FABP6: variants seen among roughly 807,000 people sequenced by gnomAD.
The protein encoded by FABP6 is fatty acid binding protein 6, also known as gastrotropin.
In FABP6, 13 loss-of-function variants were observed where a neutral mutation model predicts 14.9. The ratio of observed to expected loss-of-function variants is 0.87; its 90% CI spans 0.57 to 1.39. The LOEUF (loss-of-function observed/expected upper bound fraction) is 1.39, where lower values mean the gene tolerates loss of function less well. FABP6 is among the 40% of genes most tolerant of loss of function. The probability of loss-of-function intolerance (pLI) is 0.00; values close to 1 mark genes in which losing one functional copy is unlikely to be tolerated. For synonymous variants in FABP6, 75 were observed against 63.6 expected, an observed-to-expected ratio of 1.18 and a Z score of -0.85; for missense variants, 161 against 167.2, an observed-to-expected ratio of 0.96 and a Z score of 0.20.
intron 2 of FABP6, among the ~76,000 whole-genome samples, chr5:160,234,361 C>G (rs1580925392): frequency 1.4e-5 from 2 of 142,852 alleles, no homozygotes; most frequent in South Asian, 4.7e-4. Context: ...TATTTTCATA[C>G]TTTCTCTAAG....
chr5:160,194,017 G>C (rs1372786734), intron 1 of FABP6, among the ~76,000 whole-genome samples: 2 of 152,240 alleles, frequency 1.3e-5, no homozygotes, highest in African/African-American at 4.8e-5. Flanking sequence ...TGCATGGCTG[G>C]CTGCAGGTCC....
rs144492335 is a variant in FABP6 at position 160,232,125 on chromosome 5, C to T, written c.95C>T (p.Ala32Val). Residue 32 changes from alanine to valine, a missense_variant, in exon 2 of 4, where the codon GCC becomes GTC. Physicochemically the swap from Ala to Val is moderately conservative, Grantham distance 64 (BLOSUM62 0). Transcript: ENST00000402432. Reference sequence around the variant, plus strand: ...ATCTCCAGCGATGTAATCGAAAAGGCCCGCAACTTCAAGATCGTCACGGAG... The same window carrying T: ...ATCTCCAGCGATGTAATCGAAAAGGTCCGCAACTTCAAGATCGTCACGGAG... ...LGISSDVIEK[A>V]RNFKIVTEVQ... 161 of 1,613,910 alleles carry T rather than the reference C, an allele frequency of 1.0e-4. 2 individuals carry two copies. The African/African-American group carries it at 1.7e-3, about 17-fold the overall frequency.
At chr5:160,192,145 T>C (rs1334108467) in intron 1 of FABP6, among the ~76,000 whole-genome samples, 1 of 152,072 alleles carries the variant, frequency 6.6e-6, no homozygotes, top group Non-Finnish European at 1.5e-5. Flanking sequence ...GGCCCCAATG[T>C]CACCTACCCA....
intron 1 of FABP6, among the ~76,000 whole-genome samples, chr5:160,187,742 A>ATTATTTATTTAT (rs147766560): frequency 0.012 from 1,744 of 150,674 alleles, 17 homozygotes; most frequent in East Asian, 0.026. Context: ...AATATTTGCT[A>ATTATTTATTTAT]TTATTTATTT....
chr5:160,211,513 A>C lies in FABP6; in HGVS notation c.52-2223A>C, dbSNP rs186050804. Among the ~76,000 whole-genome samples the C allele has an allele frequency of 2.7e-3, 413 of 152,260 alleles. 13 individuals carry two copies. The highest frequency in any genetic ancestry group is 0.026 in the Admixed American group (392 of 15,288). On this transcript the variant is annotated intron_variant, in intron 2 of 6. Coordinates refer to the FABP6 transcript ENST00000393980. ...TGTCAACGAGGACACCCCAGTACAG[A>C]GGTTAAGTGACTTGTCCAAGTGACA...
At chr5:160,196,532 G>C (rs1009900416) in intron 1 of FABP6, 2 of 152,234 alleles carry the variant, frequency 1.3e-5, no homozygotes, top group Non-Finnish European at 2.9e-5. Context: ...AAGTTGCAAG[G>C]GTGGGGAGTG....
At chr5:160,220,302 A>T (rs907903134) in intron 3 of FABP6, among the ~76,000 whole-genome samples, 1 of 152,058 alleles carries the variant, frequency 6.6e-6, no homozygotes, top group Non-Finnish European at 1.5e-5. Flanking sequence ...GAAGATCGGT[A>T]TTTTTTTCCC....
intron 2 of FABP6, among the ~76,000 whole-genome samples, chr5:160,233,858 C>A (rs1013075340): frequency 3.4e-5 from 5 of 145,972 alleles, no homozygotes; most frequent in South Asian, 2.3e-4. Flanking sequence ...GGCAACAGGG[C>A]GAGGCTCCGT....
rs1173397946 is a variant in FABP6, at chr5:160,229,625, G to A, written c.67+1G>A. On this transcript the variant is annotated splice_donor_variant, in intron 1 of 3. Transcript: ENST00000402432. LOFTEE classifies it high-confidence loss of function. ...TATGATGAGTTCATGAAGCTCCTTG[G>A]TGAGTGAGCTCCTGGGTATCCCTTC... 13 of 1,613,706 alleles carry A rather than the reference G, an allele frequency of 8.1e-6. No individual in the cohort carries two copies. The Admixed American group carries it at 8.3e-5, about 10-fold the overall frequency.
chr5:160,213,605 A>G (rs896081167), intron 2 of FABP6: 3 of 762,852 alleles, frequency 3.9e-6, no homozygotes, highest in Admixed American at 4.6e-5. Context: ...TTTTTGCTCA[A>G]ATCAGTTTCC....
chr5:160,227,819 C>CGTGTGTGT (rs763474232), upstream of FABP6, among the ~76,000 whole-genome samples: 2,140 of 145,398 alleles, frequency 0.015, 20 homozygotes, highest in Non-Finnish European at 0.02. Flanking sequence ...AAATCCATGA[C>CGTGTGTGT]GTGTGTGTGT....
chr5:160,202,128 A>G (rs1282604813), intron 2 of FABP6, among the ~76,000 whole-genome samples: 3 of 61,964 alleles, frequency 4.8e-5, no homozygotes, highest in African/African-American at 1.5e-4. Context: ...GGAAGCAGGG[A>G]TTTAGGCAGA....
upstream of FABP6, among the ~76,000 whole-genome samples, chr5:160,226,260 G>A (rs568771003): frequency 2.0e-5 from 3 of 152,076 alleles, no homozygotes; most frequent in African/African-American, 7.2e-5. Flanking sequence ...GACGTTGAAA[G>A]CTATTTTAAG....
chr5:160,214,792 A>AAAAGAAAGAAAG (rs372578232), intron 3 of FABP6, among the ~76,000 whole-genome samples: 5 of 140,316 alleles, frequency 3.6e-5, no homozygotes, highest in African/African-American at 1.3e-4. Context: ...TGTCTCTATA[A>AAAAGAAAGAAAG]AAAGAAAGAA....
At chr5:160,231,297 C>T (rs141235769) in intron 1 of FABP6, among the ~76,000 whole-genome samples, 23 of 152,288 alleles carry the variant, frequency 1.5e-4, no homozygotes, top group African/African-American at 5.1e-4. Context: ...AGACCTGATT[C>T]GGTCATTAAA....
At chr5:160,194,588 A>G (rs1048847542) in intron 1 of FABP6, among the ~76,000 whole-genome samples, 1 of 152,130 alleles carries the variant, frequency 6.6e-6, no homozygotes, top group African/African-American at 2.4e-5. Flanking sequence ...GAGAGAGAGA[A>G]AGAAATCCCC....
At position 160,232,159 on chromosome 5, in the gene FABP6, G is replaced by A. The variant is rs780751406; in HGVS notation, c.129G>A (p.Gln43=). 3.7e-6 allele frequency: 6 copies of A among 1,613,924 alleles called. No homozygotes were observed. The African/African-American group carries it at 8.0e-5, about 22-fold the overall frequency. ...TCAAGATCGTCACGGAGGTGCAGCA[G>A]GATGGGCAGGACTTCACTTGGTCCC... ...RNFKIVTEVQ[Q]DGQDFTWSQH... The change falls in exon 2 of 4, where the codon CAG becomes CAA. Residue 43 remains glutamine, a synonymous_variant. Transcript: ENST00000402432.
At chr5:160,237,354 G>A (rs963902160) in intron 3 of FABP6, among the ~76,000 whole-genome samples, 8 of 151,996 alleles carry the variant, frequency 5.3e-5, no homozygotes, top group Admixed American at 3.9e-4. Flanking sequence ...ACACACACAT[G>A]ACACAGCCAG....
At chr5:160,227,403 T>C (rs1760271344), upstream of FABP6, among the ~76,000 whole-genome samples, 1 of 151,922 alleles carries the variant, frequency 6.6e-6, no homozygotes, top group South Asian at 2.1e-4. Flanking sequence ...GGCAAGCACC[T>C]GTAGTCCCAG....
Sources: gnomAD v4.1 joint callset for allele counts (sites outside exome capture counted in the v4.1 genomes callset) on GRCh38, gnomAD v4.1.1 for gene constraint, MANE v1.5 for transcripts, NCBI Gene and HGNC (gene_info 2026-07-23, HGNC 2026-07-21) for gene names.